The following CAP2 variants were observed in gnomAD, a reference collection of about 807,000 sequenced individuals.
CAP2 encodes the protein adenylyl cyclase-associated protein 2.
In CAP2, 24 loss-of-function variants were observed where a neutral mutation model predicts 57.7. The ratio of observed to expected loss-of-function variants is 0.42; its 90% CI spans 0.30 to 0.58. The LOEUF is 0.58. CAP2 is among the 20% of genes least tolerant of loss of function. CAP2 has a pLI of 0.22. For synonymous variants in CAP2, 194 were observed against 207.2 expected, an observed-to-expected ratio of 0.94 and a Z score of 0.55; for missense variants, 501 against 590.3, an observed-to-expected ratio of 0.85 and a Z score of 1.57.
intron 3 of CAP2, among the ~76,000 whole-genome samples, chr6:17,434,354 G>A (rs1334170777): frequency 6.6e-6 from 1 of 151,432 alleles, no homozygotes; most frequent in Non-Finnish European, 1.5e-5. Context: ...TTAGCCTCCT[G>A]AGTAGCTGGG....
chr6:17,491,744 G>C (rs1242670140), intron 4 of CAP2, among the ~76,000 whole-genome samples: 1 of 152,152 alleles, frequency 6.6e-6, no homozygotes, highest in African/African-American at 2.4e-5. Flanking sequence ...AGTATTTCTT[G>C]ATCTTGTTCC....
chr6:17,463,430 C>T (rs1163661432), intron 4 of CAP2, among the ~76,000 whole-genome samples: 1 of 152,162 alleles, frequency 6.6e-6, no homozygotes, highest in African/African-American at 2.4e-5. Context: ...ATACTAGTCT[C>T]ACAACCTTTT....
chr6:17,407,495 G>T (rs996427576), intron 1 of CAP2, among the ~76,000 whole-genome samples: 5 of 149,008 alleles, frequency 3.4e-5, no homozygotes, highest in Admixed American at 1.3e-4. Flanking sequence ...AAAAAAAAAT[G>T]GCCAGGCGCA....
At chr6:17,406,405 T>C (rs1758972163) in intron 1 of CAP2, among the ~76,000 whole-genome samples, 1 of 142,422 alleles carries the variant, frequency 7.0e-6, no homozygotes, top group Non-Finnish European at 1.5e-5. Context: ...TTTCTTTTTT[T>C]TTTTTTTTGA....
In CAP2 at chr6:17,414,993, C is replaced by T. The variant is rs114406050; in HGVS notation, c.-1-6562C>T. Among the ~76,000 whole-genome samples, 1,408 of 152,324 alleles carry T rather than the reference C, an allele frequency of 9.2e-3. 15 individuals carry two copies. The highest frequency in any genetic ancestry group is 0.032 in the African/African-American group (1,311 of 41,574). Reference sequence around the variant, plus strand: ...CTCATTGTGGTTTTGATTAGCTTTTCTCTGATGATCAGTGATGTTGAGCTT... The same window carrying T: ...CTCATTGTGGTTTTGATTAGCTTTTTTCTGATGATCAGTGATGTTGAGCTT... On this transcript the variant is annotated intron_variant, in intron 1 of 12. Transcript: ENST00000229922.
intron 3 of CAP2, among the ~76,000 whole-genome samples, chr6:17,434,473 C>T (rs989454965): frequency 1.3e-5 from 2 of 152,172 alleles, no homozygotes; most frequent in South Asian, 2.1e-4. Flanking sequence ...AAGTGATCCA[C>T]CTGCCTCGGC....
chr6:17,461,184 A>G (rs991853159), intron 3 of CAP2, among the ~76,000 whole-genome samples: 2 of 136,304 alleles, frequency 1.5e-5, no homozygotes, highest in Non-Finnish European at 3.0e-5. Context: ...AACAAACAAA[A>G]CAACAAAAAA....
In CAP2 at chr6:17,540,979, G is replaced by A. The variant is rs776987110; in HGVS notation, c.833G>A (p.Arg278His). The change falls in exon 9 of 13, where the codon CGC (arginine) becomes CAC (histidine). Residue 278 changes from arginine (R) to histidine (H), a missense_variant. Arg to His is a conservative substitution (Grantham distance 29). Transcript: ENST00000229922. The stretch of plus-strand genomic sequence containing the variant: ...ATGTGTGTTGTCCTCCTAGGGCTCC[G>A]CCATGTCACAGATGACCAGAAGACA... Reference protein sequence around the residue: ...NQGEAITKGLRHVTDDQKTYK... With the variant: ...NQGEAITKGLHHVTDDQKTYK... 1.4e-5 allele frequency: 22 copies of A among 1,613,160 alleles called. No homozygotes were observed. Among genetic ancestry groups the A allele is most frequent in the Non-Finnish European group, 1.9e-5 (22 of 1,179,556 alleles).
At chr6:17,454,664 T>C (rs1760508237) in intron 3 of CAP2, among the ~76,000 whole-genome samples, 1 of 152,258 alleles carries the variant, frequency 6.6e-6, no homozygotes, top group Non-Finnish European at 1.5e-5. Flanking sequence ...ACTTGTCTTC[T>C]TCCATTAGGT....
intron 1 of CAP2, among the ~76,000 whole-genome samples, chr6:17,416,238 G>C (rs2113524760): frequency 6.6e-6 from 1 of 151,918 alleles, no homozygotes; most frequent in Admixed American, 6.6e-5. Context: ...AGGCTATACT[G>C]ACCTGAAGTT....
chr6:17,523,085 T>C (rs116427122), intron 7 of CAP2, among the ~76,000 whole-genome samples: 2,282 of 152,280 alleles, frequency 0.015, 32 homozygotes, highest in Non-Finnish European at 0.021. Flanking sequence ...GACTTAGGAA[T>C]TGCATAAGAT....
intron 1 of CAP2, among the ~76,000 whole-genome samples, chr6:17,419,031 C>T (rs1759360340): frequency 6.6e-6 from 1 of 152,156 alleles, no homozygotes; most frequent in Admixed American, 6.5e-5. Flanking sequence ...GTAACTGCTG[C>T]CAGTTTCAGG....
At chr6:17,458,678 G>A (rs1203176474) in intron 3 of CAP2, among the ~76,000 whole-genome samples, 1 of 152,010 alleles carries the variant, frequency 6.6e-6, no homozygotes, top group Non-Finnish European at 1.5e-5. Context: ...TGTTGTTTTG[G>A]TATCTGTTTT....
intron 3 of CAP2, among the ~76,000 whole-genome samples, chr6:17,455,454 G>A (rs1449844734): frequency 6.6e-6 from 1 of 152,028 alleles, no homozygotes; most frequent in Non-Finnish European, 1.5e-5. Flanking sequence ...CCAAATCAAA[G>A]GGCAGATCAC....
intron 4 of CAP2, among the ~76,000 whole-genome samples, chr6:17,477,609 T>G (rs1323006717): frequency 5.3e-5 from 8 of 152,192 alleles, no homozygotes; most frequent in Non-Finnish European, 1.2e-4. Context: ...TCAAGGAGTC[T>G]GGAAGAGGGT....
intron 3 of CAP2, among the ~76,000 whole-genome samples, chr6:17,457,271 A>G (rs1054739012): frequency 2.0e-5 from 3 of 152,216 alleles, no homozygotes; most frequent in African/African-American, 7.2e-5. Flanking sequence ...GTGATGGACA[A>G]ACTCAGCAAA....
At position 17,405,291 on chromosome 6, in the gene CAP2, A is replaced by C. The variant is rs531508605; in HGVS notation, c.-2+11545A>C. Among the ~76,000 whole-genome samples, 31 of 152,290 alleles carry C rather than the reference A, an allele frequency of 2.0e-4. No individual in the cohort carries two copies. In the South Asian group the frequency reaches 5.8e-3, roughly 29 times the overall value. The stretch of plus-strand genomic sequence containing the variant: ...CAGCCACTCGGGAGGCTGAGGCAGG[A>C]GAATCGTGTGAACCCAGGAGGCAAA... On this transcript the variant is annotated intron_variant, in intron 1 of 12. Transcript: ENST00000229922.
At chr6:17,517,503 C>T (rs7772711) in intron 7 of CAP2, among the ~76,000 whole-genome samples, 61,208 of 151,864 alleles carry the variant, frequency 0.4, 12,988 homozygotes, top group Non-Finnish European at 0.48. Flanking sequence ...ATGTACAACA[C>T]ATTCAGATAT....
chr6:17,495,009 C>G (rs543432839), intron 4 of CAP2, among the ~76,000 whole-genome samples: 72 of 152,312 alleles, frequency 4.7e-4, no homozygotes, highest in Non-Finnish European at 8.1e-4. Flanking sequence ...AGCCTGCCAG[C>G]CTTCAGACTT....
Sources: gnomAD v4.1 joint callset for allele counts (sites outside exome capture counted in the v4.1 genomes callset) on GRCh38, gnomAD v4.1.1 for gene constraint, MANE v1.5 for transcripts, NCBI Gene and HGNC (gene_info 2026-07-23, HGNC 2026-07-21) for gene names.